MKLN1: variants seen among roughly 807,000 people sequenced by gnomAD.
The protein encoded by MKLN1 is muskelin 1, also known as muskelin.
A neutral mutation model predicts 99.0 loss-of-function variants in MKLN1; 18 were observed. That is an observed-to-expected ratio of 0.18 (90% CI 0.13 to 0.27). MKLN1 has a LOEUF of 0.27. Ranked by LOEUF, MKLN1 falls within the 10% of genes least tolerant of loss-of-function variation. The pLI is 1.00. For missense variants in MKLN1, 621 were observed against 875.9 expected, an observed-to-expected ratio of 0.71 and a Z score of 3.67; for synonymous variants, 288 against 293.2, an observed-to-expected ratio of 0.98 and a Z score of 0.18.
intron 2 of MKLN1, among the ~76,000 whole-genome samples, chr7:131,171,510 T>C (rs893862089): frequency 6.6e-6 from 1 of 152,088 alleles, no homozygotes; most frequent in Non-Finnish European, 1.5e-5. Flanking sequence ...AAGGCTGGAG[T>C]GCAATGGTGC....
At chr7:131,453,471 T>TA (rs953301984) in intron 12 of MKLN1, among the ~76,000 whole-genome samples, 11 of 151,830 alleles carry the variant, frequency 7.2e-5, no homozygotes, top group African/African-American at 2.2e-4. Flanking sequence ...GGCAGTATTT[T>TA]AAAAAAAAGG....
rs184289715 is a variant in MKLN1, at chr7:131,431,611, T to C, written c.960+2466T>C. Among the ~76,000 whole-genome samples the C allele has an allele frequency of 2.8e-3, 419 of 152,256 alleles. 1 individual carries two copies. The highest frequency in any genetic ancestry group is 9.7e-3 in the African/African-American group (404 of 41,534). ...TAGACATGAGCAATCCATCAATTTT[T>C]TTCTTGCCCTGATAGCAAAAAGCAA... is the stretch of plus-strand genomic sequence containing the variant. On this transcript the variant is annotated intron_variant, in intron 9 of 17. Coordinates refer to ENST00000352689, the MANE Select transcript of MKLN1 (RefSeq NM_013255.5).
Position 131,489,807 on chromosome 7 carries a change from A to G in MKLN1, c.*2079A>G, listed in dbSNP as rs1481682976. 1.3e-5 allele frequency: 2 copies of G among 152,166 alleles called. No homozygotes were observed. Among genetic ancestry groups the G allele is most frequent in the African/African-American group, 4.8e-5 (2 of 41,534 alleles). 9.4% of individuals were successfully genotyped at this position (152,166 alleles called of 1,614,324 possible). On this transcript the variant is annotated 3_prime_UTR_variant, in exon 18 of 18. Coordinates refer to ENST00000352689, the MANE Select transcript of MKLN1 (RefSeq NM_013255.5). ...GTTTTTCCCTAAATGTTTCCCTACT[A>G]GTCTTTTTGGAAAACATGTTTGTTT...
chr7:131,463,610 G>C (rs1796579503), intron 13 of MKLN1, among the ~76,000 whole-genome samples: 1 of 152,168 alleles, frequency 6.6e-6, no homozygotes, highest in Non-Finnish European at 1.5e-5. Context: ...TTGTATTTTA[G>C]TCTAGGTTCC....
chr7:131,112,911 T>C (rs1307626422), intron 1 of MKLN1, among the ~76,000 whole-genome samples: 1 of 152,224 alleles, frequency 6.6e-6, no homozygotes, highest in Non-Finnish European at 1.5e-5. Flanking sequence ...AGAAGTAGCA[T>C]GAAGAAATGT....
chr7:131,292,439 C>A (rs1798234221), intron 3 of MKLN1, among the ~76,000 whole-genome samples: 1 of 152,148 alleles, frequency 6.6e-6, no homozygotes, highest in Admixed American at 6.5e-5. Context: ...TGTTGAAGTC[C>A]TAATCCCTAG....
intron 10 of MKLN1, among the ~76,000 whole-genome samples, chr7:131,439,058 CT>C (rs1308037666): frequency 6.6e-6 from 1 of 152,100 alleles, no homozygotes; most frequent in East Asian, 1.9e-4. Flanking sequence ...CTTGGAAATA[CT>C]CCCCAGCTTA....
At chr7:131,480,582 T>C (rs183621083) in intron 17 of MKLN1, among the ~76,000 whole-genome samples, 40 of 152,330 alleles carry the variant, frequency 2.6e-4, no homozygotes, top group Non-Finnish European at 4.4e-4. Context: ...GCTATAAACG[T>C]GACTCCAGAA....
chr7:131,116,319 T>G (rs994251089), intron 1 of MKLN1, among the ~76,000 whole-genome samples: 2 of 152,070 alleles, frequency 1.3e-5, no homozygotes, highest in African/African-American at 2.4e-5. Context: ...ACTAGGATTT[T>G]AAGATTTTGG....
At chr7:131,297,125 G>A (rs1322348113) in intron 3 of MKLN1, among the ~76,000 whole-genome samples, 2 of 152,088 alleles carry the variant, frequency 1.3e-5, no homozygotes, top group Non-Finnish European at 2.9e-5. Context: ...GGCCAAGGAG[G>A]GCAGATCACG....
intron 1 of MKLN1, among the ~76,000 whole-genome samples, chr7:131,346,251 G>C (rs1799556247): frequency 6.6e-6 from 1 of 152,166 alleles, no homozygotes; most frequent in African/African-American, 2.4e-5. Context: ...GGGCGGGTGT[G>C]GTGGCTCATG....
intron 5 of MKLN1, among the ~76,000 whole-genome samples, chr7:131,398,715 A>T (rs895569641): frequency 6.6e-6 from 1 of 151,990 alleles, no homozygotes; most frequent in Admixed American, 6.6e-5. Context: ...AAAAAAAAAG[A>T]TTAAATGTCT....
At chr7:131,310,429 A>C (rs1372147531) in intron 3 of MKLN1, 1 of 152,244 alleles carries the variant, frequency 6.6e-6, no homozygotes, top group Non-Finnish European at 1.5e-5. Context: ...GCTCATGCCC[A>C]GGTAGTCCTA....
chr7:131,281,689 CTT>C (rs561561621), intron 3 of MKLN1, among the ~76,000 whole-genome samples: 1 of 145,396 alleles, frequency 6.9e-6, no homozygotes, highest in Non-Finnish European at 1.5e-5. Flanking sequence ...TATTTCTTTT[CTT>C]TTTTTTTTTG....
At chr7:131,434,006 C>A (rs1795605362) in intron 9 of MKLN1, among the ~76,000 whole-genome samples, 1 of 151,768 alleles carries the variant, frequency 6.6e-6, no homozygotes, top group Non-Finnish European at 1.5e-5. Flanking sequence ...ACCTCAGCCT[C>A]CCGAGTAGCT....
Position 131,399,446 on chromosome 7 carries a change from G to T in MKLN1, c.703+13G>T, listed in dbSNP as rs749674520. 6.8e-6 allele frequency: 11 copies of T among 1,610,348 alleles called. No homozygotes were observed. The East Asian group carries it at 2.0e-4, about 29-fold the overall frequency. On this transcript the variant is annotated intron_variant, in intron 6 of 17. Transcript: ENST00000352689. Reference sequence around the variant, plus strand: ...AAGGCTGTAAATGGTATGAAACTTAGATTGGTTATTAGGGTAAATTCAAGT... The same window carrying T: ...AAGGCTGTAAATGGTATGAAACTTATATTGGTTATTAGGGTAAATTCAAGT...
At chr7:131,114,427 G>A (rs1563219379) in intron 1 of MKLN1, among the ~76,000 whole-genome samples, 2 of 152,192 alleles carry the variant, frequency 1.3e-5, no homozygotes, top group Middle Eastern at 3.4e-3. Context: ...ATCAGAATAA[G>A]GAATAGTTCA....
At chr7:131,153,664 G>GTTTTTTTTTTTTTTTTTTTTTTTGTTT (rs11464377) in intron 2 of MKLN1, among the ~76,000 whole-genome samples, 1 of 139,548 alleles carries the variant, frequency 7.2e-6, no homozygotes, top group Non-Finnish European at 1.5e-5. Context: ...GTTTTTTTTG[G>GTTTTTTTTTTTTTTTTTTTTTTTGTTT]TTTTTTTTTT....
At chr7:131,289,894 T>G (rs1453628971) in intron 3 of MKLN1, among the ~76,000 whole-genome samples, 1 of 152,246 alleles carries the variant, frequency 6.6e-6, no homozygotes, top group African/African-American at 2.4e-5. Flanking sequence ...CCAAGCACAC[T>G]TCTGACCAAG....
Sources: gnomAD v4.1 joint callset for allele counts (sites outside exome capture counted in the v4.1 genomes callset) on GRCh38, gnomAD v4.1.1 for gene constraint, MANE v1.5 for transcripts, NCBI Gene and HGNC (gene_info 2026-07-23, HGNC 2026-07-21) for gene names.